CCSER1: variants seen among roughly 807,000 people sequenced by gnomAD.
CCSER1 encodes the protein serine-rich coiled-coil domain-containing protein 1.
CCSER1 carries 41 observed loss-of-function variants against 82.0 expected under a neutral mutation model. The observed-to-expected ratio is 0.50, with a 90% confidence interval of 0.39 to 0.65. The LOEUF (loss-of-function observed/expected upper bound fraction) is 0.65, where lower values mean the gene tolerates loss of function less well. Among genes scored for constraint, CCSER1 ranks in the 30% least tolerant of loss-of-function variants. The pLI is 0.00. For synonymous variants in CCSER1, 414 were observed against 383.9 expected, an observed-to-expected ratio of 1.08 and a Z score of -0.92; for missense variants, 1,119 against 1,064.2, an observed-to-expected ratio of 1.05 and a Z score of -0.72.
intron 5 of CCSER1, among the ~76,000 whole-genome samples, chr4:90,477,860 A>G (rs927278813): frequency 5.9e-5 from 9 of 152,152 alleles, no homozygotes; most frequent in African/African-American, 2.2e-4. Flanking sequence ...TAAAAATTAG[A>G]TATGAATAGA....
rs555372559 is a variant in CCSER1, at chr4:90,728,844, T to C, written c.2010+4853T>C. Among the ~76,000 whole-genome samples, 4 of 152,318 alleles carry C rather than the reference T, an allele frequency of 2.6e-5. No homozygotes were observed. The East Asian group carries it at 5.8e-4, about 22-fold the overall frequency. On this transcript the variant is annotated intron_variant, in intron 7 of 10. Transcript: ENST00000509176. ...TGTAGAAAAAAAGATGCAGTAAATA[T>C]AGAATTATCAATCTTCAACTCTGGG... is the stretch of plus-strand genomic sequence containing the variant.
At chr4:90,989,524 G>T (rs1736847395) in intron 9 of CCSER1, among the ~76,000 whole-genome samples, 1 of 151,654 alleles carries the variant, frequency 6.6e-6, no homozygotes, top group African/African-American at 2.4e-5. Flanking sequence ...GAGAATAATG[G>T]TTTCATTTTA....
At chr4:90,896,213 C>G (rs756237663) in intron 8 of CCSER1, among the ~76,000 whole-genome samples, 4 of 151,676 alleles carry the variant, frequency 2.6e-5, no homozygotes, top group African/African-American at 7.3e-5. Flanking sequence ...GGAATCTGCA[C>G]GAAGAAAAAA....
chr4:91,546,994 T>C (rs1285078420), intron 10 of CCSER1, among the ~76,000 whole-genome samples: 4 of 146,150 alleles, frequency 2.7e-5, no homozygotes, highest in African/African-American at 5.0e-5. Flanking sequence ...TTTTCACCCA[T>C]GTGCTATTTA....
At chr4:90,748,797 G>A (rs1441847699) in intron 7 of CCSER1, among the ~76,000 whole-genome samples, 8 of 150,066 alleles carry the variant, frequency 5.3e-5, no homozygotes, top group Non-Finnish European at 1.0e-4. Flanking sequence ...GTGATGATGA[G>A]CATTTTTTCA....
intron 4 of CCSER1, among the ~76,000 whole-genome samples, chr4:90,452,621 TTC>T (rs1285489180): frequency 6.6e-6 from 1 of 152,188 alleles, no homozygotes; most frequent in Non-Finnish European, 1.5e-5. Flanking sequence ...TTGCCTTCCT[TTC>T]TGAGACATAA....
chr4:90,808,860 A>G (rs1757865590), intron 7 of CCSER1, among the ~76,000 whole-genome samples: 1 of 152,226 alleles, frequency 6.6e-6, no homozygotes, highest in Admixed American at 6.5e-5. Flanking sequence ...AAGTACCTCT[A>G]TTATTAAATT....
At chr4:90,305,208 G>T (rs544878509) in intron 1 of CCSER1, among the ~76,000 whole-genome samples, 1 of 152,090 alleles carries the variant, frequency 6.6e-6, no homozygotes, top group South Asian at 2.1e-4. Flanking sequence ...GAGCCACCGC[G>T]CCCGGCCTCA....
At chr4:91,465,589 A>AATTG (rs1017709471) in intron 10 of CCSER1, among the ~76,000 whole-genome samples, 1 of 152,144 alleles carries the variant, frequency 6.6e-6, no homozygotes, top group Non-Finnish European at 1.5e-5. Context: ...AGATCAACAA[A>AATTG]ATTGATAGAC....
chr4:91,211,073 T>C (rs1051826219), intron 10 of CCSER1, among the ~76,000 whole-genome samples: 1 of 151,984 alleles, frequency 6.6e-6, no homozygotes, highest in African/African-American at 2.4e-5. Flanking sequence ...TGATTCATGA[T>C]TTTGCTCAAG....
intron 10 of CCSER1, among the ~76,000 whole-genome samples, chr4:91,376,159 G>A (rs900811636): frequency 2.6e-4 from 40 of 152,212 alleles, no homozygotes; most frequent in Admixed American, 9.2e-4. Flanking sequence ...TAAACATTAT[G>A]ACAATAGGTC....
At chr4:91,144,010 C>T (rs909656328) in intron 10 of CCSER1, among the ~76,000 whole-genome samples, 1 of 151,856 alleles carries the variant, frequency 6.6e-6, no homozygotes, top group African/African-American at 2.4e-5. Flanking sequence ...AGAGATAAGT[C>T]CCTCCTTTTT....
At chr4:90,248,079 GC>G (rs1721763855) in intron 1 of CCSER1, among the ~76,000 whole-genome samples, 1 of 151,970 alleles carries the variant, frequency 6.6e-6, no homozygotes, top group African/African-American at 2.4e-5. Context: ...AATAAGTTGG[GC>G]AAATATATTT....
At position 91,232,379 on chromosome 4, in the gene CCSER1, G is replaced by A. The variant is rs367871211; in HGVS notation, c.2217+146385G>A. Reference sequence around the variant, plus strand: ...AAATTGTGTTTATATCTATACAGTAGAATTCCCTGAGTTGTTAGAACAAAT... The same window carrying A: ...AAATTGTGTTTATATCTATACAGTAAAATTCCCTGAGTTGTTAGAACAAAT... On this transcript the variant is annotated intron_variant, in intron 10 of 10. Coordinates refer to ENST00000509176, the MANE Select transcript of CCSER1 (RefSeq NM_001145065.2). Among the ~76,000 whole-genome samples the A allele has an allele frequency of 1.2e-4, 18 of 151,796 alleles. No individual in the cohort carries two copies. The South Asian group carries it at 2.1e-3, about 17-fold the overall frequency.
chr4:90,615,312 T>C (rs976067957), intron 5 of CCSER1, among the ~76,000 whole-genome samples: 3 of 152,162 alleles, frequency 2.0e-5, no homozygotes, highest in Admixed American at 6.5e-5. Context: ...GATGCTCAAG[T>C]CTTCATATTT....
chr4:90,868,397 G>C (rs1055609334), intron 8 of CCSER1, among the ~76,000 whole-genome samples: 5 of 151,746 alleles, frequency 3.3e-5, no homozygotes, highest in African/African-American at 1.2e-4. Context: ...TCTCTATCTC[G>C]ATGAGGTCAA....
intron 5 of CCSER1, among the ~76,000 whole-genome samples, chr4:90,564,056 C>T (rs1560725829): frequency 6.6e-6 from 1 of 152,158 alleles, no homozygotes; most frequent in Non-Finnish European, 1.5e-5. Context: ...CATTTTCTCA[C>T]ATACCTATTG....
At chr4:91,598,548 T>G (rs1452234796) in intron 10 of CCSER1, 24 bp from the exon 11 acceptor site, 2 of 1,521,312 alleles carry the variant, frequency 1.3e-6, no homozygotes, top group Admixed American at 2.2e-5. Context: ...TAAGACATCT[T>G]TTTCTTTCTG....
intron 5 of CCSER1, 41 bp downstream of exon 5, chr4:90,468,395 AT>A: frequency 6.5e-7 from 1 of 1,550,208 alleles, no homozygotes; most frequent in Non-Finnish European, 8.8e-7. Context: ...TGTAAAATCA[AT>A]TAGATAACTG....
Sources: allele counts gnomAD v4.1 joint callset (sites outside exome capture counted in the v4.1 genomes callset), GRCh38; gene constraint gnomAD v4.1.1; transcripts MANE v1.5; gene names NCBI Gene and HGNC (gene_info 2026-07-23, HGNC 2026-07-21).